The following OPRM1 variants were observed in gnomAD, a reference collection of about 807,000 sequenced individuals.
The protein encoded by OPRM1 is opioid receptor mu 1.
In OPRM1, 27 loss-of-function variants were observed where a neutral mutation model predicts 31.8. The ratio of observed to expected loss-of-function variants is 0.85; its 90% CI spans 0.63 to 1.17. The LOEUF is 1.17. Ranked by LOEUF, OPRM1 falls within the 50% of genes most tolerant of loss-of-function variation. The probability of loss-of-function intolerance (pLI) is 0.00; values close to 1 mark genes in which losing one functional copy is unlikely to be tolerated. For synonymous variants in OPRM1, 196 were observed against 189.9 expected, an observed-to-expected ratio of 1.03 and a Z score of -0.26; for missense variants, 536 against 511.1, an observed-to-expected ratio of 1.05 and a Z score of -0.47.
At chr6:154,226,033 T>C (rs1189587392) in intron 3 of OPRM1, among the ~76,000 whole-genome samples, 1 of 152,202 alleles carries the variant, frequency 6.6e-6, no homozygotes, top group African/African-American at 2.4e-5. Flanking sequence ...TTACTGCTGC[T>C]CCCCTTTTTC....
At chr6:154,167,350 T>A (rs1413836730) in intron 3 of OPRM1, among the ~76,000 whole-genome samples, 1 of 152,212 alleles carries the variant, frequency 6.6e-6, no homozygotes, top group African/African-American at 2.4e-5. Context: ...TGTGAAAACA[T>A]CTGCTGGTCT....
At position 154,091,286 on chromosome 6, in the gene OPRM1, A is replaced by C; in HGVS notation, c.978A>C (p.Leu326=). The C allele has an allele frequency of 6.2e-7, 1 of 1,614,194 alleles. No homozygotes were observed. The highest frequency in any genetic ancestry group is 2.2e-5 in the East Asian group (1 of 44,890). ...QTVSWHFCIA[L]GYTNSCLNPV... The stretch of plus-strand genomic sequence containing the variant: ...TTTCTTGGCACTTCTGCATTGCTCT[A>C]GGTTACACAAACAGCTGCCTCAACC... Residue 326 remains leucine, a synonymous_variant, in exon 3 of 4, where the codon CTA becomes CTC. Transcript: ENST00000330432.
chr6:154,244,416 T>G (rs953598341), intron 3 of OPRM1, among the ~76,000 whole-genome samples: 1 of 151,992 alleles, frequency 6.6e-6, no homozygotes, highest in African/African-American at 2.4e-5. Context: ...TTTAATCCTA[T>G]AGTTCCCTAG....
intron 3 of OPRM1, among the ~76,000 whole-genome samples, chr6:154,211,194 A>G (rs1583809201): frequency 6.6e-6 from 1 of 152,064 alleles, no homozygotes; most frequent in African/African-American, 2.4e-5. Context: ...AGGCAGGCGG[A>G]TCATGAGGTC....
chr6:154,220,586 G>A (rs987650251), intron 3 of OPRM1, among the ~76,000 whole-genome samples: 6 of 152,094 alleles, frequency 3.9e-5, no homozygotes, highest in East Asian at 1.9e-4. Flanking sequence ...AGGTTGCAGT[G>A]AGCCGAGATC....
chr6:154,200,529 G>A (rs761646379), intron 3 of OPRM1, among the ~76,000 whole-genome samples: 1 of 151,946 alleles, frequency 6.6e-6, no homozygotes, highest in African/African-American at 2.4e-5. Flanking sequence ...GAGACCAGCC[G>A]GGCCAGTATG....
rs1797598685 is a variant in OPRM1 at position 154,126,592 on chromosome 6, T to C, written c.*7871T>C. Among the ~76,000 whole-genome samples the C allele has an allele frequency of 1.3e-5, 2 of 152,138 alleles. No homozygotes were observed. Among genetic ancestry groups the C allele is most frequent in the African/African-American group, 4.8e-5 (2 of 41,420 alleles). ...ATTCTGTATCTGGTTGTGGTGGCAA[T>C]GTCACCACCCTACACTGCTGTGACA... is the stretch of plus-strand genomic sequence containing the variant. On this transcript the variant is annotated 3_prime_UTR_variant, in exon 4 of 4. Transcript: ENST00000330432.
intron 3 of OPRM1, among the ~76,000 whole-genome samples, chr6:154,149,972 C>G (rs1288428042): frequency 6.6e-6 from 1 of 152,216 alleles, no homozygotes; most frequent in Non-Finnish European, 1.5e-5. Flanking sequence ...GCTAATAGCC[C>G]CCTCACCAGC....
chr6:154,110,945 T>G (rs972199863), intron 3 of OPRM1, among the ~76,000 whole-genome samples: 3 of 149,526 alleles, frequency 2.0e-5, no homozygotes, highest in African/African-American at 7.3e-5. Flanking sequence ...TTTGACTGAT[T>G]ACACCATTCA....
chr6:154,027,178 C>G (rs866965375), intron 1 of OPRM1, among the ~76,000 whole-genome samples: 1 of 152,202 alleles, frequency 6.6e-6, no homozygotes, highest in African/African-American at 2.4e-5. Flanking sequence ...GCACCTCAAC[C>G]CCAGTAATGC....
At position 154,130,445 on chromosome 6, in the gene OPRM1, G is replaced by A. The variant is rs1797833122; in HGVS notation, c.*11724G>A. Among the ~76,000 whole-genome samples the A allele has an allele frequency of 6.6e-6, 1 of 151,990 alleles. No homozygotes were observed. The highest frequency in any genetic ancestry group is 6.6e-5 in the Admixed American group (1 of 15,258). ...GGCCTCCCAAAGTGTTGGGATTACA[G>A]GTGTGAGCCACTGCGCCTGGCCAGA... is the stretch of plus-strand genomic sequence containing the variant. On this transcript the variant is annotated 3_prime_UTR_variant, in exon 4 of 4. Coordinates refer to ENST00000330432, the MANE Select transcript of OPRM1 (RefSeq NM_000914.5).
At chr6:154,021,873 T>C (rs1256290899) in intron 1 of OPRM1, among the ~76,000 whole-genome samples, 1 of 152,172 alleles carries the variant, frequency 6.6e-6, no homozygotes, top group East Asian at 1.9e-4. Flanking sequence ...TCTTTCAGAT[T>C]TTCTACATAG....
intron 3 of OPRM1, among the ~76,000 whole-genome samples, chr6:154,176,372 G>T (rs1800330895): frequency 6.6e-6 from 1 of 152,194 alleles, no homozygotes; most frequent in Non-Finnish European, 1.5e-5. Context: ...AGGAAAAGAG[G>T]AGGTCAAATT....
At chr6:154,185,489 T>A (rs1005016351) in intron 3 of OPRM1, among the ~76,000 whole-genome samples, 1 of 152,222 alleles carries the variant, frequency 6.6e-6, no homozygotes, top group Non-Finnish European at 1.5e-5. Flanking sequence ...TTACTTTACA[T>A]GGTTAAAGGT....
At chr6:154,063,016 T>C (rs1484407113) in intron 1 of OPRM1, among the ~76,000 whole-genome samples, 2 of 152,038 alleles carry the variant, frequency 1.3e-5, no homozygotes, top group African/African-American at 4.8e-5. Flanking sequence ...TGTGCTATTA[T>C]TAAACATTCC....
At chr6:154,225,363 T>G (rs754351630) in intron 3 of OPRM1, among the ~76,000 whole-genome samples, 1 of 152,114 alleles carries the variant, frequency 6.6e-6, no homozygotes, top group African/African-American at 2.4e-5. Flanking sequence ...AACAGATAAA[T>G]GGATAAATTA....
chr6:154,162,424 G>T (rs1799100981), intron 3 of OPRM1, among the ~76,000 whole-genome samples: 1 of 152,156 alleles, frequency 6.6e-6, no homozygotes, highest in Admixed American at 6.5e-5. Flanking sequence ...CTCTTGTGAA[G>T]ACCATCAGTG....
intron 1 of OPRM1, among the ~76,000 whole-genome samples, chr6:154,084,671 GTGGAC>G (rs199879007): frequency 0.019 from 2,859 of 152,218 alleles, 40 homozygotes; most frequent in Middle Eastern, 0.061. Flanking sequence ...GTGAGGGTAA[GTGGAC>G]ATAAAAGTCA....
chr6:154,146,666 A>G (rs528408691), intron 3 of OPRM1, among the ~76,000 whole-genome samples: 2 of 152,282 alleles, frequency 1.3e-5, no homozygotes, highest in African/African-American at 2.4e-5. Flanking sequence ...CATTCTTGGG[A>G]CTGACAAACT....
Sources: allele counts gnomAD v4.1 joint callset (sites outside exome capture counted in the v4.1 genomes callset), GRCh38; gene constraint gnomAD v4.1.1; transcripts MANE v1.5; gene names NCBI Gene and HGNC (gene_info 2026-07-23, HGNC 2026-07-21).